Variants in RBFOX1 observed in about 807,000 individuals in gnomAD.
RBFOX1 encodes the protein RNA binding fox-1 homolog 1.
A neutral mutation model predicts 57.7 loss-of-function variants in RBFOX1; 8 were observed. The observed-to-expected ratio is 0.14, with a 90% CI of 0.08 to 0.25. The LOEUF (loss-of-function observed/expected upper bound fraction) is 0.25. RBFOX1 is among the 10% of genes least tolerant of loss of function. The pLI, the probability that RBFOX1 is intolerant of heterozygous loss-of-function variation, is 1.00. For missense variants in RBFOX1, 611 were observed against 548.5 expected, an observed-to-expected ratio of 1.11 and a Z score of -1.14; for synonymous variants, 326 against 222.4, an observed-to-expected ratio of 1.47 and a Z score of -4.15.
intron 9 of RBFOX1, among the ~76,000 whole-genome samples, chr16:7,602,584 G>A (rs563004513): frequency 3.3e-5 from 5 of 152,268 alleles, no homozygotes; most frequent in East Asian, 3.9e-4. Context: ...CTCCAGCAGG[G>A]TTATCCCAAG....
At chr16:7,274,977 C>G (rs189448289) in intron 4 of RBFOX1, among the ~76,000 whole-genome samples, 83 of 152,236 alleles carry the variant, frequency 5.5e-4, no homozygotes, top group Non-Finnish European at 9.4e-4. Flanking sequence ...AGTCACTGCA[C>G]CTGCCCAAAA....
At chr16:6,510,626 A>T (rs2096235851) in intron 2 of RBFOX1, among the ~76,000 whole-genome samples, 1 of 152,188 alleles carries the variant, frequency 6.6e-6, no homozygotes, top group Non-Finnish European at 1.5e-5. Context: ...GAGGCTCCCT[A>T]CCAAATGATT....
intron 4 of RBFOX1, among the ~76,000 whole-genome samples, chr16:5,928,617 G>A (rs954642315): frequency 6.6e-6 from 1 of 151,122 alleles, no homozygotes; most frequent in Non-Finnish European, 1.5e-5. Flanking sequence ...CCTTCCTGCT[G>A]TCAGATTCTG....
chr16:7,203,958 T>C (rs10852679), intron 4 of RBFOX1, among the ~76,000 whole-genome samples: 151,615 of 152,360 alleles, frequency 1, 75,446 homozygotes, highest in Middle Eastern at 1. Flanking sequence ...CATAGGGCTG[T>C]ACAAGCTGTG....
At chr16:6,469,362 C>T (rs947632561) in intron 2 of RBFOX1, among the ~76,000 whole-genome samples, 3 of 152,078 alleles carry the variant, frequency 2.0e-5, no homozygotes, top group Non-Finnish European at 2.9e-5. Flanking sequence ...GGAAAGTCTC[C>T]AGTTGAAGCC....
At chr16:7,575,980 C>T (rs2093303659) in intron 5 of RBFOX1, among the ~76,000 whole-genome samples, 1 of 152,236 alleles carries the variant, frequency 6.6e-6, no homozygotes, top group African/African-American at 2.4e-5. Flanking sequence ...ATTGCCCAGG[C>T]TGGAGTGCAG....
chr16:6,605,457 T>C (rs976401750), intron 2 of RBFOX1, among the ~76,000 whole-genome samples: 6 of 152,134 alleles, frequency 3.9e-5, no homozygotes, highest in Non-Finnish European at 1.5e-5. Flanking sequence ...AATATTAGCT[T>C]TCTGGCTGCT....
At chr16:6,921,224 T>C (rs1448434846) in intron 3 of RBFOX1, among the ~76,000 whole-genome samples, 6 of 152,210 alleles carry the variant, frequency 3.9e-5, no homozygotes, top group Non-Finnish European at 7.3e-5. Flanking sequence ...CACACACATT[T>C]AGCAATTTAA....
intron 1 of RBFOX1, among the ~76,000 whole-genome samples, chr16:6,223,467 T>C (rs1351377147): frequency 6.6e-6 from 1 of 152,076 alleles, no homozygotes; most frequent in African/African-American, 2.4e-5. Flanking sequence ...ATGATCATTT[T>C]TTCATGTGTC....
intron 1 of RBFOX1, among the ~76,000 whole-genome samples, chr16:6,257,708 G>T (rs12597241): frequency 0.017 from 2,620 of 152,220 alleles, 50 homozygotes; most frequent in East Asian, 0.046. Flanking sequence ...GTTGGTTAAG[G>T]ACAATGGCCT....
chr16:6,208,518 A>G (rs1028100150), intron 1 of RBFOX1, among the ~76,000 whole-genome samples: 4 of 152,162 alleles, frequency 2.6e-5, no homozygotes, highest in Non-Finnish European at 5.9e-5. Context: ...GTCTGTCCCC[A>G]TCTGGGAACA....
intron 3 of RBFOX1, among the ~76,000 whole-genome samples, chr16:7,016,811 G>A (rs1555773941): frequency 6.6e-6 from 1 of 152,174 alleles, no homozygotes; most frequent in Non-Finnish European, 1.5e-5. Flanking sequence ...TTACCCGCCA[G>A]GTGAGGTTAT....
chr16:7,247,120 A>G (rs922899905), intron 4 of RBFOX1, among the ~76,000 whole-genome samples: 1 of 152,106 alleles, frequency 6.6e-6, no homozygotes, highest in Non-Finnish European at 1.5e-5. Flanking sequence ...GCTGGCCCTC[A>G]AGTGAGGAGG....
intron 1 of RBFOX1, among the ~76,000 whole-genome samples, chr16:6,022,473 G>C (rs538229067): frequency 6.6e-6 from 1 of 152,142 alleles, no homozygotes; most frequent in East Asian, 1.9e-4. Flanking sequence ...TTGAGTCCAG[G>C]AGTTCAAGAC....
intron 14 of RBFOX1, among the ~76,000 whole-genome samples, chr16:7,700,331 G>C (rs1411568525): frequency 6.6e-6 from 1 of 152,060 alleles, no homozygotes; most frequent in East Asian, 1.9e-4. Flanking sequence ...TGTACGATGA[G>C]GATGCACCAT....
At chr16:6,990,561 G>A (rs1205168563) in intron 3 of RBFOX1, among the ~76,000 whole-genome samples, 2 of 152,030 alleles carry the variant, frequency 1.3e-5, no homozygotes, top group Admixed American at 6.6e-5. Context: ...TCACATAGAA[G>A]GATGATACTG....
chr16:7,689,437 G>A (rs772029261), intron 14 of RBFOX1, among the ~76,000 whole-genome samples: 1 of 152,096 alleles, frequency 6.6e-6, no homozygotes, highest in African/African-American at 2.4e-5. Context: ...CCTCACAGCA[G>A]AATCTGCTAC....
At chr16:7,103,791 G>A (rs1208702531) in intron 4 of RBFOX1, among the ~76,000 whole-genome samples, 3 of 152,148 alleles carry the variant, frequency 2.0e-5, no homozygotes, top group Admixed American at 2.0e-4. Flanking sequence ...CCAGCAATAT[G>A]TCAGAAATTA....
chr16:5,722,696 C>T (rs79326217), intron 3 of RBFOX1, among the ~76,000 whole-genome samples: 1,803 of 152,282 alleles, frequency 0.012, 43 homozygotes, highest in African/African-American at 0.04. Context: ...CTCAAACATA[C>T]CCAGCTCTTT....
Sources: gnomAD v4.1 joint callset for allele counts (sites outside exome capture counted in the v4.1 genomes callset) on GRCh38, gnomAD v4.1.1 for gene constraint, MANE v1.5 for transcripts, NCBI Gene and HGNC (gene_info 2026-07-23, HGNC 2026-07-21) for gene names.